FARSB: variants seen among roughly 807,000 people sequenced by gnomAD.
FARSB encodes phenylalanyl-tRNA synthetase subunit beta.
FARSB carries 40 observed loss-of-function variants against 69.6 expected under a neutral mutation model. The observed-to-expected ratio is 0.57, with a 90% CI of 0.45 to 0.75. The LOEUF (loss-of-function observed/expected upper bound fraction) is 0.75. Ranked by LOEUF, FARSB falls within the 30% of genes least tolerant of loss-of-function variation. The pLI, the probability that FARSB is intolerant of heterozygous loss-of-function variation, is 0.00. For synonymous variants in FARSB, 235 were observed against 247.2 expected (o/e 0.95, Z 0.46); for missense variants, 632 against 722.9 (o/e 0.87, Z 1.44).
chr2:222,586,503 CATA>C (rs1053637937), intron 16 of FARSB, among the ~76,000 whole-genome samples: 11 of 152,274 alleles, frequency 7.2e-5, no homozygotes, highest in African/African-American at 2.2e-4. Flanking sequence ...CAAATTCACA[CATA>C]ATAATATTAA....
At chr2:222,589,126 C>T (rs533374881) in intron 16 of FARSB, among the ~76,000 whole-genome samples, 17 of 152,282 alleles carry the variant, frequency 1.1e-4, no homozygotes, top group Middle Eastern at 3.4e-3. Context: ...TACAAGGCTA[C>T]AGTAACCAAA....
In FARSB at chr2:222,649,530, G is replaced by A. The variant is rs573253668; in HGVS notation, c.59-735C>T. On this transcript the variant is annotated intron_variant, in intron 1 of 16. Transcript: ENST00000281828. ...TGGCTTTGAAGCCAAGTCAATCAGA[G>A]TTTGAATTCTATCCCACTTATTAGA... 7.9e-5 allele frequency among the ~76,000 whole-genome samples: 12 copies of A among 152,334 alleles called. No individual in the cohort carries two copies. In the South Asian group the frequency reaches 1.9e-3, roughly 24 times the overall value.
chr2:222,613,825 T>C lies in FARSB; in HGVS notation c.1448A>G (p.Lys483Arg). The change falls in exon 15 of 17, where the codon AAA (lysine) becomes AGA (arginine). Residue 483 changes from lysine to arginine, a missense_variant. Transcript: ENST00000281828. ...KLFEISDIVI[K>R]DSNTDVGAKN... Reference sequence around the variant, plus strand: ...CTTATTCTTACCTGTATTAGAATCTTTTATTACAATGTCAGAGATTTCAAA... The same window carrying C: ...CTTATTCTTACCTGTATTAGAATCTCTTATTACAATGTCAGAGATTTCAAA... The C allele has an allele frequency of 6.3e-7, 1 of 1,583,452 alleles. No individual in the cohort carries two copies. The highest frequency in any genetic ancestry group is 8.7e-7 in the Non-Finnish European group (1 of 1,151,960).
Position 222,603,719 on chromosome 2 carries a change from T to C in FARSB, c.1463-3636A>G, listed in dbSNP as rs191086536. Among the ~76,000 whole-genome samples, 208 of 147,534 alleles carry C rather than the reference T, an allele frequency of 1.4e-3. 1 individual carries two copies. The highest frequency in any genetic ancestry group is 0.012 in the Admixed American group (177 of 14,700). ...ATATATATTAGATAATAATAATAAA[T>C]ATAATATTAATTATATATATTAATT... is the stretch of plus-strand genomic sequence containing the variant. On this transcript the variant is annotated intron_variant, in intron 15 of 16. Transcript: ENST00000281828.
intron 16 of FARSB, among the ~76,000 whole-genome samples, chr2:222,573,542 G>A (rs1436895697): frequency 1.3e-5 from 2 of 152,020 alleles, no homozygotes; most frequent in Admixed American, 1.3e-4. Context: ...GATAAAGATG[G>A]CACATTTTAA....
rs1251541293 is a variant in FARSB at position 222,610,242 on chromosome 2, A to G, written c.1462+3569T>C. ...AGTAGTTTAGGTACTGCTCCCACCA[A>G]TGAAAATCTGAGGAATTTTCACATC... is the stretch of plus-strand genomic sequence containing the variant. On this transcript the variant is annotated intron_variant, in intron 15 of 16. Coordinates refer to ENST00000281828, the MANE Select transcript of FARSB (RefSeq NM_005687.5). Among the ~76,000 whole-genome samples, 3 of 152,186 alleles carry G rather than the reference A, an allele frequency of 2.0e-5. No homozygotes were observed. The East Asian group carries it at 5.8e-4, about 29-fold the overall frequency.
chr2:222,578,134 C>A (rs1203711943), intron 16 of FARSB, among the ~76,000 whole-genome samples: 1 of 152,084 alleles, frequency 6.6e-6, no homozygotes, highest in Non-Finnish European at 1.5e-5. Context: ...TGTCTGACAC[C>A]CATATCATTT....
rs1689651677 is a variant in FARSB, at chr2:222,567,392, A to T, written c.*4479T>A. On this transcript the variant is annotated 3_prime_UTR_variant, in exon 17 of 17. Coordinates refer to ENST00000281828, the MANE Select transcript of FARSB (RefSeq NM_005687.5). Reference sequence around the variant, plus strand: ...AGGCTATCTGTTTGCTTTTGGATAAAATGGACAGAAGGGCCAAAGTAAATA... The same window carrying T: ...AGGCTATCTGTTTGCTTTTGGATAATATGGACAGAAGGGCCAAAGTAAATA... The T allele has an allele frequency of 6.6e-6, 1 of 152,238 alleles. No homozygotes were observed. The highest frequency in any genetic ancestry group is 2.4e-5 in the African/African-American group (1 of 41,456). 9.4% of individuals were successfully genotyped at this position (152,238 alleles called of 1,614,324 possible). A position where few individuals can be genotyped will look rare whatever the true frequency, so the allele number is the denominator to read the frequency against.
rs1692165492 is a variant in FARSB, at chr2:222,656,008, C to T, written c.58+8G>A. 4.4e-6 allele frequency: 7 copies of T among 1,593,602 alleles called. No homozygotes were observed. Among genetic ancestry groups the T allele is most frequent in the Non-Finnish European group, 6.0e-6 (7 of 1,168,202 alleles). ...GCGTAGGGCCCAACGTATAGGGCCG[C>T]CACTCACTGTAGGTGCGGCCCAGGG... On this transcript the variant is annotated splice_region_variant and intron_variant, in intron 1 of 16. Transcript: ENST00000281828.
chr2:222,623,464 T>TA (rs1308161278), intron 13 of FARSB, among the ~76,000 whole-genome samples, 186 bp downstream of exon 13: 3 of 152,352 alleles, frequency 2.0e-5, no homozygotes, highest in African/African-American at 7.2e-5. Flanking sequence ...TTTGTGGCTG[T>TA]AAAAACAAAA....
At chr2:222,639,439 T>C (rs1221469577) in intron 5 of FARSB, 141 bp downstream of exon 5, 1 of 456,194 alleles carries the variant, frequency 2.2e-6, no homozygotes, top group African/African-American at 2.0e-5. Flanking sequence ...GTAAAAAATC[T>C]GCAGAGGAAG....
chr2:222,594,135 G>T (rs1175279617), intron 16 of FARSB, among the ~76,000 whole-genome samples: 1 of 148,798 alleles, frequency 6.7e-6, no homozygotes, highest in African/African-American at 2.5e-5. Context: ...GAGCATGGTG[G>T]CATGCCCTGT....
At chr2:222,593,081 G>A in intron 16 of FARSB, among the ~76,000 whole-genome samples, 1 of 152,018 alleles carries the variant, frequency 6.6e-6, no homozygotes, top group Middle Eastern at 3.2e-3. Flanking sequence ...CATCCATCGG[G>A]GGTCTTGGAA....
chr2:222,624,519 AT>A, intron 11 of FARSB, 40 bp from the exon 12 acceptor site: 2 of 1,361,190 alleles, frequency 1.5e-6, no homozygotes, highest in African/African-American at 1.4e-5. Flanking sequence ...TCATTGGATT[AT>A]TTTTTTAATG....
chr2:222,598,751 C>T (rs1002440345), intron 16 of FARSB, among the ~76,000 whole-genome samples: 13 of 152,040 alleles, frequency 8.6e-5, no homozygotes, highest in African/African-American at 2.7e-4. Context: ...ATGCATGACC[C>T]GGCTCCGGCT....
At chr2:222,641,999 CTA>C (rs1691731050) in intron 3 of FARSB, among the ~76,000 whole-genome samples, 1 of 100,614 alleles carries the variant, frequency 9.9e-6, no homozygotes, top group Non-Finnish European at 1.9e-5. Context: ...TTGTTATCCT[CTA>C]TCTTTTTTTT....
intron 16 of FARSB, among the ~76,000 whole-genome samples, chr2:222,590,204 T>C (rs1226756061): frequency 1.3e-5 from 2 of 152,182 alleles, no homozygotes; most frequent in South Asian, 2.1e-4. Context: ...GACGAGTTCA[T>C]GTCCTTTGTA....
chr2:222,621,470 G>T lies in FARSB; in HGVS notation c.1252-1733C>A, dbSNP rs144892040. Reference sequence around the variant, plus strand: ...ACTTGTAGCCTCAAGTGATCCGCCCGCCTCGGCCTCCCAAAGTGCTGGGAT... The same window carrying T: ...ACTTGTAGCCTCAAGTGATCCGCCCTCCTCGGCCTCCCAAAGTGCTGGGAT... On this transcript the variant is annotated intron_variant, in intron 13 of 16. Coordinates refer to ENST00000281828, the MANE Select transcript of FARSB (RefSeq NM_005687.5). Among the ~76,000 whole-genome samples, 294 of 152,262 alleles carry T rather than the reference G, an allele frequency of 1.9e-3. 1 individual carries two copies. The highest frequency in any genetic ancestry group is 6.8e-3 in the African/African-American group (281 of 41,548).
At chr2:222,576,597 T>C (rs1689846010) in intron 16 of FARSB, among the ~76,000 whole-genome samples, 1 of 151,932 alleles carries the variant, frequency 6.6e-6, no homozygotes, top group Non-Finnish European at 1.5e-5. Context: ...TACTATGGAG[T>C]GAAGGGAGGA....
Sources: allele counts gnomAD v4.1 joint callset (sites outside exome capture counted in the v4.1 genomes callset), GRCh38; gene constraint gnomAD v4.1.1; transcripts MANE v1.5; gene names NCBI Gene and HGNC (gene_info 2026-07-23, HGNC 2026-07-21).